Variants in MARCHF1 observed in about 807,000 individuals in gnomAD.
MARCHF1 encodes the protein E3 ubiquitin-protein ligase MARCHF1.
Under a neutral mutation model 54.2 loss-of-function variants are expected in MARCHF1, and 40 were observed. That is an observed-to-expected ratio of 0.74 (90% CI 0.57 to 0.96). MARCHF1 has a LOEUF of 0.96. MARCHF1 is among the 40% of genes least tolerant of loss of function. The pLI is 0.00. For synonymous variants in MARCHF1, 236 were observed against 236.3 expected (o/e 1.00, Z 0.01); for missense variants, 586 against 656.5 (o/e 0.89, Z 1.17).
At chr4:164,238,777 CTT>C (rs547773989) in intron 1 of MARCHF1, among the ~76,000 whole-genome samples, 43 of 152,034 alleles carry the variant, frequency 2.8e-4, no homozygotes, top group African/African-American at 9.9e-4. Flanking sequence ...AATTTTGCCA[CTT>C]ATTTTTCTTG....
chr4:164,204,598 T>TG (rs1010509827), intron 1 of MARCHF1, among the ~76,000 whole-genome samples: 3 of 152,228 alleles, frequency 2.0e-5, no homozygotes, highest in Non-Finnish European at 4.4e-5. Flanking sequence ...CCATTTTGTG[T>TG]GAAAAACTTT....
At chr4:163,674,586 T>G (rs1340350465) in intron 5 of MARCHF1, among the ~76,000 whole-genome samples, 1 of 152,154 alleles carries the variant, frequency 6.6e-6, no homozygotes, top group African/African-American at 2.4e-5. Context: ...GTTTTCTGCC[T>G]TGGTGCTTAT....
At chr4:163,955,226 A>G (rs1257935766) in intron 3 of MARCHF1, among the ~76,000 whole-genome samples, 1 of 151,076 alleles carries the variant, frequency 6.6e-6, no homozygotes, top group Non-Finnish European at 1.5e-5. Context: ...AAAAAAAAAA[A>G]AAAGAAAAGA....
At chr4:163,777,938 G>A (rs183071544) in intron 4 of MARCHF1, among the ~76,000 whole-genome samples, 11 of 152,188 alleles carry the variant, frequency 7.2e-5, no homozygotes, top group Non-Finnish European at 1.0e-4. Flanking sequence ...TGCCTACACC[G>A]CCAAATTAGT....
chr4:163,536,732 C>G (rs1738549286), intron 9 of MARCHF1, among the ~76,000 whole-genome samples: 1 of 152,110 alleles, frequency 6.6e-6, no homozygotes, highest in African/African-American at 2.4e-5. Context: ...TGACCAAAGC[C>G]TATAATATAC....
intron 1 of MARCHF1, among the ~76,000 whole-genome samples, chr4:164,147,282 A>G (rs1729777695): frequency 6.7e-6 from 1 of 148,282 alleles, no homozygotes; most frequent in African/African-American, 2.5e-5. Context: ...TCAGGGATCT[A>G]GAACTGGAAA....
intron 1 of MARCHF1, among the ~76,000 whole-genome samples, chr4:164,222,069 C>A (rs1385227010): frequency 6.6e-6 from 1 of 151,970 alleles, no homozygotes. Context: ...GAAATTAACC[C>A]TATAATTTAA....
At chr4:164,081,787 T>C (rs1016870763) in intron 2 of MARCHF1, among the ~76,000 whole-genome samples, 1 of 152,126 alleles carries the variant, frequency 6.6e-6, no homozygotes, top group African/African-American at 2.4e-5. Context: ...TGTGAGCTCT[T>C]GGGAAATTTG....
At chr4:163,721,876 T>A (rs1352661189) in intron 4 of MARCHF1, among the ~76,000 whole-genome samples, 1 of 152,118 alleles carries the variant, frequency 6.6e-6, no homozygotes, top group Non-Finnish European at 1.5e-5. Context: ...GGTGGTGACA[T>A]CCCTTTTATC....
intron 1 of MARCHF1, among the ~76,000 whole-genome samples, chr4:164,115,007 G>A (rs1012746032): frequency 2.0e-5 from 3 of 151,962 alleles, no homozygotes; most frequent in African/African-American, 7.2e-5. Context: ...GAAGGTGGAC[G>A]TATTTTTAAA....
In MARCHF1 at chr4:164,136,573, C is replaced by T. The variant is rs74591613; in HGVS notation, c.-322-24911G>A. 8.6e-3 allele frequency among the ~76,000 whole-genome samples: 1,310 copies of T among 152,262 alleles called. 12 individuals carry two copies. The highest frequency in any genetic ancestry group is 0.045 in the East Asian group (232 of 5,168). ...AGTGGAGTACTGAAAGCAATTAGGC[C>T]TCCTGGAACTTAACAAAGAGCTGTG... On this transcript the variant is annotated intron_variant, in intron 1 of 9. Transcript: ENST00000514618.
intron 4 of MARCHF1, among the ~76,000 whole-genome samples, chr4:163,781,275 T>G (rs999322632): frequency 6.6e-5 from 10 of 152,120 alleles, no homozygotes; most frequent in African/African-American, 2.4e-4. Context: ...TGCTTGAACC[T>G]GGAAGGCGGA....
intron 5 of MARCHF1, among the ~76,000 whole-genome samples, chr4:163,655,117 A>G (rs1433126804): frequency 6.6e-6 from 1 of 151,608 alleles, no homozygotes; most frequent in African/African-American, 2.4e-5. Flanking sequence ...AAAGTCATTC[A>G]CTGATTTCTT....
chr4:163,765,792 T>C (rs912682855), intron 4 of MARCHF1, among the ~76,000 whole-genome samples: 4 of 149,384 alleles, frequency 2.7e-5, no homozygotes, highest in Admixed American at 6.7e-5. Context: ...ATTTCCTAGC[T>C]CTTCATCTTA....
chr4:163,969,721 T>C (rs1460101645), intron 3 of MARCHF1, among the ~76,000 whole-genome samples: 1 of 152,190 alleles, frequency 6.6e-6, no homozygotes, highest in African/African-American at 2.4e-5. Context: ...TTAAACTTGA[T>C]GTCATGTAGC....
chr4:163,541,176 A>G (rs1199017379), intron 9 of MARCHF1, among the ~76,000 whole-genome samples: 1 of 152,208 alleles, frequency 6.6e-6, no homozygotes, highest in African/African-American at 2.4e-5. Context: ...AGCCTCTACT[A>G]ACACCAAGTA....
chr4:163,621,119 G>T (rs1260727676), intron 5 of MARCHF1, among the ~76,000 whole-genome samples: 1 of 152,150 alleles, frequency 6.6e-6, no homozygotes, highest in African/African-American at 2.4e-5. Context: ...TCTGATAACT[G>T]TTTTGTAGAG....
At chr4:164,181,190 T>C (rs1458799490) in intron 1 of MARCHF1, among the ~76,000 whole-genome samples, 1 of 152,114 alleles carries the variant, frequency 6.6e-6, no homozygotes, top group Non-Finnish European at 1.5e-5. Flanking sequence ...CCACAAAACA[T>C]TTGTGTGAAC....
chr4:164,177,797 T>C (rs907470985), intron 1 of MARCHF1, among the ~76,000 whole-genome samples: 7 of 110,844 alleles, frequency 6.3e-5, no homozygotes, highest in Non-Finnish European at 1.4e-4. Context: ...TCAGTGTGTG[T>C]ATGAAAGAGA....
Sources: allele counts gnomAD v4.1 joint callset (sites outside exome capture counted in the v4.1 genomes callset), GRCh38; gene constraint gnomAD v4.1.1; transcripts MANE v1.5; gene names NCBI Gene and HGNC (gene_info 2026-07-23, HGNC 2026-07-21).